Variants in SMC6 observed in about 807,000 individuals in gnomAD.
SMC6 encodes the protein structural maintenance of chromosomes 6.
Under a neutral mutation model 142.2 loss-of-function variants are expected in SMC6, and 79 were observed. That is an observed-to-expected ratio of 0.56 (90% CI 0.46 to 0.67). The LOEUF is 0.67. SMC6 is among the 30% of genes least tolerant of loss of function. The pLI, the probability that SMC6 is intolerant of heterozygous loss-of-function variation, is 0.00. For synonymous variants in SMC6, 411 were observed against 412.4 expected (o/e 1.00, Z 0.04); for missense variants, 1,072 against 1,284.0 (o/e 0.83, Z 2.52).
chr2:17,736,218 G>A (rs1670145402), intron 5 of SMC6, among the ~76,000 whole-genome samples: 1 of 152,178 alleles, frequency 6.6e-6, no homozygotes, highest in Non-Finnish European at 1.5e-5. Flanking sequence ...CTGAGCTAAG[G>A]TTAGAGTTTC....
intron 3 of SMC6, among the ~76,000 whole-genome samples, chr2:17,743,423 T>C (rs1443345025): frequency 3.3e-5 from 5 of 152,194 alleles, no homozygotes; most frequent in Non-Finnish European, 5.9e-5. Context: ...TTTCATTTTT[T>C]AATACTTAAT....
rs966499020 is a variant in SMC6, at chr2:17,753,755, C to G, written c.-222G>C. On this transcript the variant is annotated 5_prime_UTR_variant, in exon 1 of 28. Coordinates refer to ENST00000448223, the MANE Select transcript of SMC6 (RefSeq NM_001142286.2). ...CGCTGGCCCCCTGGGAACCGCGTGCCGGCCGCAGGAGAAGGTAGATTCCCG... is the reference window on the plus strand; with the variant it reads ...CGCTGGCCCCCTGGGAACCGCGTGCGGGCCGCAGGAGAAGGTAGATTCCCG... 1 of 152,390 alleles carries G rather than the reference C, an allele frequency of 6.6e-6. No individual in the cohort carries two copies. Among genetic ancestry groups the G allele is most frequent in the African/African-American group, 2.4e-5 (1 of 41,586 alleles). The allele number at this position is 152,390 out of a possible 1,614,324, so 9.4% of individuals were successfully genotyped here. A position where few individuals can be genotyped will look rare whatever the true frequency, so the allele number is the denominator to read the frequency against.
chr2:17,723,821 GA>G (rs1162300931), intron 9 of SMC6, among the ~76,000 whole-genome samples: 1 of 152,180 alleles, frequency 6.6e-6, no homozygotes, highest in Non-Finnish European at 1.5e-5. Flanking sequence ...AATATTGACT[GA>G]ATGATTATTC....
intron 5 of SMC6, among the ~76,000 whole-genome samples, chr2:17,734,474 C>T (rs908276446): frequency 4.6e-5 from 7 of 151,416 alleles, no homozygotes; most frequent in Non-Finnish European, 1.0e-4. Context: ...AGGGGAAGGG[C>T]GGCTGGCCTC....
Position 17,679,168 on chromosome 2 carries a change from C to A in SMC6, c.2805-204G>T, listed in dbSNP as rs943167255. On this transcript the variant is annotated intron_variant, in intron 24 of 27. Coordinates refer to ENST00000448223, the MANE Select transcript of SMC6 (RefSeq NM_001142286.2). ...TTATGTCCCTACACTTTCACCAGTT[C>A]ATTTACTTTTATAACAAAAAAATTA... is the stretch of plus-strand genomic sequence containing the variant. 3.9e-5 allele frequency: 17 copies of A among 433,192 alleles called. No homozygotes were observed. In the Admixed American group the frequency reaches 6.2e-4, roughly 16 times the overall value. The allele number at this position is 433,192 out of a possible 1,614,324, so 26.8% of individuals were successfully genotyped here. A position where few individuals can be genotyped will look rare whatever the true frequency, so the allele number is the denominator to read the frequency against.
chr2:17,749,549 G>A (rs960267432), intron 2 of SMC6, among the ~76,000 whole-genome samples: 9 of 151,858 alleles, frequency 5.9e-5, no homozygotes, highest in African/African-American at 2.2e-4. Context: ...TTAGTCAGGC[G>A]TGGTGGCGCG....
chr2:17,719,116 G>C (rs965710372), intron 11 of SMC6, among the ~76,000 whole-genome samples: 1 of 152,144 alleles, frequency 6.6e-6, no homozygotes, highest in African/African-American at 2.4e-5. Flanking sequence ...CACACTTCAG[G>C]CTTTGTGGGC....
chr2:17,709,629 G>A, intron 16 of SMC6, among the ~76,000 whole-genome samples: 1 of 152,120 alleles, frequency 6.6e-6, no homozygotes, highest in Non-Finnish European at 1.5e-5. Flanking sequence ...TCTGTGCCAG[G>A]TGCTGTTCCA....
intron 5 of SMC6, among the ~76,000 whole-genome samples, chr2:17,735,951 A>G (rs1223545834): frequency 3.3e-5 from 5 of 152,200 alleles, no homozygotes; most frequent in Non-Finnish European, 5.9e-5. Flanking sequence ...AACTACCTCA[A>G]ACTTGTGCTG....
chr2:17,698,641 G>A (rs1360040656), intron 21 of SMC6, among the ~76,000 whole-genome samples: 2 of 151,972 alleles, frequency 1.3e-5, no homozygotes, highest in Non-Finnish European at 2.9e-5. Context: ...TTTATAGAGA[G>A]CATATAGTCA....
At chr2:17,738,700 G>T (rs533664047) in intron 4 of SMC6, among the ~76,000 whole-genome samples, 3 of 152,156 alleles carry the variant, frequency 2.0e-5, no homozygotes, top group Admixed American at 2.0e-4. Flanking sequence ...TAATTTTTAT[G>T]ACATTCTATT....
intron 3 of SMC6, among the ~76,000 whole-genome samples, chr2:17,744,738 T>C (rs897852346): frequency 5.3e-5 from 8 of 152,166 alleles, no homozygotes; most frequent in Admixed American, 2.0e-4. Flanking sequence ...CTTTAACAGG[T>C]TGAGGAAGTT....
intron 26 of SMC6, among the ~76,000 whole-genome samples, chr2:17,669,466 A>G (rs1666656568): frequency 6.6e-6 from 1 of 152,164 alleles, no homozygotes; most frequent in African/African-American, 2.4e-5. Context: ...AGGAAAATCA[A>G]CAACACTATA....
At chr2:17,752,930 G>A in intron 2 of SMC6, 48 bp downstream of exon 2, 1 of 735,944 alleles carries the variant, frequency 1.4e-6, no homozygotes, top group Non-Finnish European at 1.7e-6. Flanking sequence ...CTTCTGTCTT[G>A]AGGGCTCAAA....
chr2:17,748,786 T>C (rs1319528233), intron 2 of SMC6, among the ~76,000 whole-genome samples: 1 of 152,226 alleles, frequency 6.6e-6, no homozygotes, highest in Non-Finnish European at 1.5e-5. Context: ...TTAGAAACTG[T>C]TTTTATTAAT....
At chr2:17,728,468 G>A (rs922402518) in intron 7 of SMC6, among the ~76,000 whole-genome samples, 5 of 152,170 alleles carry the variant, frequency 3.3e-5, no homozygotes, top group South Asian at 2.1e-4. Context: ...GGCCAAGGCC[G>A]AGGTGTGAGG....
Position 17,705,423 on chromosome 2 carries a change from T to C in SMC6, c.2006+1796A>G, listed in dbSNP as rs543140262. Among the ~76,000 whole-genome samples, 15 of 151,820 alleles carry C rather than the reference T, an allele frequency of 9.9e-5. No homozygotes were observed. The South Asian group carries it at 3.1e-3, about 32-fold the overall frequency. On this transcript the variant is annotated intron_variant, in intron 18 of 27. Coordinates refer to ENST00000448223, the MANE Select transcript of SMC6 (RefSeq NM_001142286.2). ...GAAACCCTGTCTCCACAAACATTAG[T>C]TGGGCATGGTGGCACTTGCCTGTAC...
chr2:17,715,561 C>A (rs1669042831), intron 15 of SMC6, among the ~76,000 whole-genome samples: 2 of 151,802 alleles, frequency 1.3e-5, no homozygotes, highest in South Asian at 4.2e-4. Context: ...TATTTATAAG[C>A]ATTTTCACCT....
At chr2:17,707,789 G>A (rs1668621664) in intron 17 of SMC6, among the ~76,000 whole-genome samples, 1 of 151,920 alleles carries the variant, frequency 6.6e-6, no homozygotes, top group South Asian at 2.1e-4. Flanking sequence ...TCCAATAAAA[G>A]ATTAACATAC....
Sources: gnomAD v4.1 joint callset for allele counts (sites outside exome capture counted in the v4.1 genomes callset) on GRCh38, gnomAD v4.1.1 for gene constraint, MANE v1.5 for transcripts, NCBI Gene and HGNC (gene_info 2026-07-23, HGNC 2026-07-21) for gene names.